The following SCAI variants were observed in gnomAD, a reference collection of about 807,000 sequenced individuals.
SCAI encodes suppressor of cancer cell invasion, also known as protein SCAI.
Under a neutral mutation model 92.2 loss-of-function variants are expected in SCAI, and 24 were observed. That is an observed-to-expected ratio of 0.26 (90% CI 0.19 to 0.37). The LOEUF (loss-of-function observed/expected upper bound fraction) is 0.37, where lower values mean the gene tolerates loss of function less well. Ranked by LOEUF, SCAI falls within the 10% of genes least tolerant of loss-of-function variation. The pLI is 1.00. For missense variants in SCAI, 450 were observed against 736.2 expected (o/e 0.61, Z 4.50); for synonymous variants, 261 against 258.6 (o/e 1.01, Z -0.09).
chr9:125,095,483 G>A (rs1161531735), intron 2 of SCAI, among the ~76,000 whole-genome samples: 1 of 152,178 alleles, frequency 6.6e-6, no homozygotes, highest in Non-Finnish European at 1.5e-5. Context: ...CCCTATAATA[G>A]ATAGTCCTAC....
chr9:124,997,875 C>CAA (rs35502581), intron 13 of SCAI, among the ~76,000 whole-genome samples: 3 of 111,146 alleles, frequency 2.7e-5, no homozygotes, highest in Non-Finnish European at 5.7e-5. Flanking sequence ...AACTCTGTCT[C>CAA]AAAAAAAAAA....
chr9:124,995,801 A>G (rs1832226658), intron 13 of SCAI, among the ~76,000 whole-genome samples: 3 of 152,036 alleles, frequency 2.0e-5, no homozygotes. Flanking sequence ...ACTTTTTACC[A>G]TATGTTTCCT....
chr9:124,950,344 C>G lies in SCAI; in HGVS notation c.*2463G>C, dbSNP rs1031727262. 6.6e-6 allele frequency: 1 copy of G among 151,982 alleles called. No homozygotes were observed. The highest frequency in any genetic ancestry group is 2.4e-5 in the African/African-American group (1 of 41,396). The allele number at this position is 151,982 out of a possible 1,614,324, so 9.4% of individuals were successfully genotyped here. Reference sequence around the variant, plus strand: ...GTGCTAACAAGCAGAGACATGAAGACAGTTGTCAAAGGGCATAACGCTTAA... The same window carrying G: ...GTGCTAACAAGCAGAGACATGAAGAGAGTTGTCAAAGGGCATAACGCTTAA... On this transcript the variant is annotated 3_prime_UTR_variant, in exon 18 of 18. Coordinates refer to ENST00000336505, the MANE Select transcript of SCAI (RefSeq NM_001144877.3).
intron 2 of SCAI, among the ~76,000 whole-genome samples, chr9:125,083,618 C>T (rs1300443420): frequency 1.3e-5 from 2 of 151,648 alleles, no homozygotes; most frequent in Non-Finnish European, 2.9e-5. Context: ...TCCAATTAAA[C>T]CTCTTTCTTT....
At chr9:125,126,068 C>T (rs1313597049) in intron 2 of SCAI, among the ~76,000 whole-genome samples, 1 of 152,134 alleles carries the variant, frequency 6.6e-6, no homozygotes, top group Non-Finnish European at 1.5e-5. Context: ...CAAGGAAAAT[C>T]ACAGATTCAC....
intron 9 of SCAI, among the ~76,000 whole-genome samples, chr9:125,010,265 T>C (rs1832606867): frequency 1.3e-5 from 2 of 152,120 alleles, no homozygotes; most frequent in African/African-American, 4.8e-5. Flanking sequence ...GTCAGGGAGT[T>C]CCCTTTCCTA....
intron 2 of SCAI, among the ~76,000 whole-genome samples, chr9:125,090,262 G>A (rs1371601246): frequency 6.6e-6 from 1 of 152,158 alleles, no homozygotes; most frequent in Non-Finnish European, 1.5e-5. Context: ...TATGTAAAAG[G>A]CCTCTAGAAA....
chr9:125,108,536 A>C (rs1834860618), intron 2 of SCAI, among the ~76,000 whole-genome samples: 1 of 147,234 alleles, frequency 6.8e-6, no homozygotes, highest in Non-Finnish European at 1.5e-5. Context: ...CCCATCTGGG[A>C]GGTGAGGAGC....
At chr9:125,025,174 C>T (rs1389046186) in intron 6 of SCAI, among the ~76,000 whole-genome samples, 1 of 152,160 alleles carries the variant, frequency 6.6e-6, no homozygotes, top group Non-Finnish European at 1.5e-5. Context: ...GAACAAAGCC[C>T]CTCCTAACTA....
chr9:125,113,911 G>A (rs139450969), intron 2 of SCAI, among the ~76,000 whole-genome samples: 1,933 of 152,202 alleles, frequency 0.013, 41 homozygotes, highest in African/African-American at 0.044. Context: ...GCGGTGAGCC[G>A]AGATCACGCC....
At chr9:125,101,094 T>C (rs1834668677) in intron 2 of SCAI, among the ~76,000 whole-genome samples, 2 of 152,026 alleles carry the variant, frequency 1.3e-5, no homozygotes, top group Admixed American at 1.3e-4. Context: ...CAACTGAGAC[T>C]GAAGTGGAAC....
At chr9:125,138,694 T>G (rs1029945679) in intron 2 of SCAI, among the ~76,000 whole-genome samples, 1 of 151,852 alleles carries the variant, frequency 6.6e-6, no homozygotes, top group Non-Finnish European at 1.5e-5. Flanking sequence ...GATTACAGGA[T>G]TGAGCCATCG....
chr9:125,128,873 G>A (rs1835337784), intron 2 of SCAI, among the ~76,000 whole-genome samples: 1 of 151,940 alleles, frequency 6.6e-6, no homozygotes, highest in Non-Finnish European at 1.5e-5. Context: ...GACCAGCCTG[G>A]CCAACATGGA....
intron 3 of SCAI, among the ~76,000 whole-genome samples, chr9:125,055,158 A>G (rs1160592825): frequency 2.6e-5 from 4 of 152,186 alleles, no homozygotes; most frequent in Admixed American, 6.5e-5. Context: ...TAAATAAACC[A>G]TAATTTAAAA....
chr9:125,123,771 TCAAAGAAA>T (rs1414693779), intron 2 of SCAI, among the ~76,000 whole-genome samples: 6 of 152,202 alleles, frequency 3.9e-5, no homozygotes, highest in African/African-American at 7.2e-5. Flanking sequence ...AGACTCCGTC[TCAAAGAAA>T]CAAAGAAACA....
chr9:124,992,781 A>G (rs1016001123), intron 14 of SCAI, among the ~76,000 whole-genome samples: 4 of 152,066 alleles, frequency 2.6e-5, no homozygotes, highest in African/African-American at 4.8e-5. Context: ...AACAACAACA[A>G]AAGACTTGCT....
At chr9:125,015,423 C>G (rs1832737311) in intron 9 of SCAI, among the ~76,000 whole-genome samples, 1 of 151,516 alleles carries the variant, frequency 6.6e-6, no homozygotes, top group Non-Finnish European at 1.5e-5. Flanking sequence ...CCAAAAAACA[C>G]ATGAAAAAAT....
chr9:125,136,115 CT>C (rs200355256), intron 2 of SCAI, among the ~76,000 whole-genome samples: 359 of 141,920 alleles, frequency 2.5e-3, no homozygotes, highest in Non-Finnish European at 2.4e-3. Context: ...ATTAACTTAC[CT>C]TTTTTTTTTT....
chr9:124,987,439 A>G (rs1415198164), intron 14 of SCAI, among the ~76,000 whole-genome samples: 1 of 152,188 alleles, frequency 6.6e-6, no homozygotes, highest in Non-Finnish European at 1.5e-5. Flanking sequence ...AATATGGGCC[A>G]TACTTGTTAC....
Sources: allele counts gnomAD v4.1 joint callset (sites outside exome capture counted in the v4.1 genomes callset), GRCh38; gene constraint gnomAD v4.1.1; transcripts MANE v1.5; gene names NCBI Gene and HGNC (gene_info 2026-07-23, HGNC 2026-07-21).